The following RRAS variants were observed in gnomAD, a reference collection of about 807,000 sequenced individuals.
RRAS encodes the protein ras-related protein R-Ras.
In RRAS, 18 loss-of-function variants were observed where a neutral mutation model predicts 23.3. The ratio of observed to expected loss-of-function variants is 0.77; its 90% CI spans 0.53 to 1.15. The LOEUF is 1.15. Ranked by LOEUF, RRAS falls within the 50% of genes most tolerant of loss-of-function variation. RRAS has a pLI of 0.00. For missense variants in RRAS, 291 were observed against 317.1 expected, an observed-to-expected ratio of 0.92 and a Z score of 0.62; for synonymous variants, 133 against 138.3, an observed-to-expected ratio of 0.96 and a Z score of 0.27.
In RRAS at chr19:49,639,985, G is replaced by A; in HGVS notation, c.114C>T (p.Gly38=). The change falls in exon 1 of 6, where the codon GGC becomes GGT. Residue 38 remains glycine (G), a synonymous_variant. Coordinates refer to ENST00000246792, the MANE Select transcript of RRAS (RefSeq NM_006270.5). The part of the protein sequence containing the change: ...ETHKLVVVGG[G]GVGKSALTIQ... Reference sequence around the variant, plus strand: ...TGGTCAGCGCGCTCTTGCCCACGCCGCCGCCGCCCACGACCACCAGCTTGT... The same window carrying A: ...TGGTCAGCGCGCTCTTGCCCACGCCACCGCCGCCCACGACCACCAGCTTGT... The A allele has an allele frequency of 6.3e-7, 1 of 1,587,926 alleles. No homozygotes were observed.
At position 49,636,627 on chromosome 19, in the gene RRAS, G is replaced by C; in HGVS notation, c.445C>G (p.Gln149Glu). Residue 149 changes from glutamine to glutamate, a missense_variant, in exon 4 of 6, where the codon CAG becomes GAG. Coordinates refer to ENST00000246792, the MANE Select transcript of RRAS (RefSeq NM_006270.5). This position sits in a 1 kb window ranked among gnomAD's most constrained non-coding sequence, Gnocchi z 4.5. ...LVGNKADLESQRQVPRSEASA... is the reference protein window; with the variant it reads ...LVGNKADLESERQVPRSEASA... ...AGAGGGGTGTCCCGAACCTGGCGCT[G>C]TGACTCCAGATCTGCCTTGTTCCCG... 1 of 1,613,458 alleles carries C rather than the reference G, an allele frequency of 6.2e-7. No homozygotes were observed. Among genetic ancestry groups the C allele is most frequent in the Non-Finnish European group, 8.5e-7 (1 of 1,179,408 alleles).
chr19:49,636,936 CAG>C lies in RRAS; in HGVS notation c.242-12_242-11del, dbSNP rs767471796. 2.9e-5 allele frequency: 46 copies of C among 1,612,842 alleles called. No individual in the cohort carries two copies. The highest frequency in any genetic ancestry group is 3.6e-5 in the Non-Finnish European group (43 of 1,179,666). Reference sequence around the variant, plus strand: ...CCCGCGGTGTCCAGGACTGCAGAGACAGGGAGAGGGGCCATCGTGGGGACCAG... The same window carrying C: ...CCCGCGGTGTCCAGGACTGCAGAGACGGAGAGGGGCCATCGTGGGGACCAG... On this transcript the variant is annotated splice_polypyrimidine_tract_variant and intron_variant, in intron 2 of 5. Transcript: ENST00000246792. The surrounding 1 kb of genome is among the most constrained non-coding windows in gnomAD (Gnocchi z 4.5).
chr19:49,635,981 C>T, intron 4 of RRAS, 129 bp from the exon 5 acceptor site: 1 of 529,394 alleles, frequency 1.9e-6, no homozygotes, highest in Non-Finnish European at 3.4e-6. Context: ...AGGAAGAGCT[C>T]CTGAGAGATT....
Position 49,640,100 on chromosome 19 carries a change from T to C in RRAS, c.-2A>G. The C allele has an allele frequency of 7.2e-7, 1 of 1,384,380 alleles. No individual in the cohort carries two copies. The allele number at this position is 1,384,380 out of a possible 1,614,324, so 85.8% of individuals were successfully genotyped here. On this transcript the variant is annotated 5_prime_UTR_variant, in exon 1 of 6. Transcript: ENST00000246792. Reference sequence around the variant, plus strand: ...CCCGGACGCCGCCCCGCTGCTCATGTCGCCACCGCTGCTGCTGCCTTCGCT... The same window carrying C: ...CCCGGACGCCGCCCCGCTGCTCATGCCGCCACCGCTGCTGCTGCCTTCGCT...
chr19:49,639,392 T>C (rs2081011546), intron 1 of RRAS, among the ~76,000 whole-genome samples: 1 of 142,496 alleles, frequency 7.0e-6, no homozygotes, highest in African/African-American at 2.7e-5. Flanking sequence ...ACCACTGCAC[T>C]CCACCGCACT....
At chr19:49,639,077 C>T (rs932021343) in intron 1 of RRAS, among the ~76,000 whole-genome samples, 1 of 151,918 alleles carries the variant, frequency 6.6e-6, no homozygotes, top group Non-Finnish European at 1.5e-5. Flanking sequence ...AGAAGAGTCT[C>T]AGGGCCAGGG....
At chr19:49,638,361 G>T (rs924996985) in intron 1 of RRAS, among the ~76,000 whole-genome samples, 13 of 152,214 alleles carry the variant, frequency 8.5e-5, no homozygotes, top group Non-Finnish European at 1.5e-4. Flanking sequence ...GTGGGGGTGA[G>T]GGGGGTGTCC....
At position 49,636,604 on chromosome 19, in the gene RRAS, A is replaced by AG; in HGVS notation, c.453+14dup. The AG allele has an allele frequency of 6.3e-7, 1 of 1,590,942 alleles. No homozygotes were observed. Among genetic ancestry groups the AG allele is most frequent in the Middle Eastern group, 1.7e-4 (1 of 6,024 alleles). On this transcript the variant is annotated intron_variant, in intron 4 of 5. Coordinates refer to ENST00000246792, the MANE Select transcript of RRAS (RefSeq NM_006270.5). This position sits in a 1 kb window ranked among gnomAD's most constrained non-coding sequence, Gnocchi z 4.5. The stretch of plus-strand genomic sequence containing the variant: ...AGACTGAGATGGGGTCCCCAGAAAG[A>AG]GGGGTGTCCCGAACCTGGCGCTGTG...
chr19:49,636,872 C>T lies in RRAS; in HGVS notation c.296G>A (p.Arg99His), dbSNP rs1287689249. 8.1e-6 allele frequency: 13 copies of T among 1,613,386 alleles called. No homozygotes were observed. Among genetic ancestry groups the T allele is most frequent in the Middle Eastern group, 1.6e-4 (1 of 6,084 alleles). Reference protein sequence around the residue: ...EFGAMREQYMRAGHGFLLVFA... With the variant: ...EFGAMREQYMHAGHGFLLVFA... The stretch of plus-strand genomic sequence containing the variant: ...CACCAGCAGGAAGCCGTGGCCAGCA[C>T]GCATGTACTGCTCTCTCATGGCCCC... The change falls in exon 3 of 6, where the codon CGT becomes CAT. Residue 99 changes from arginine to histidine, a missense_variant. Arg to His is a conservative substitution (Grantham distance 29). Transcript: ENST00000246792. The surrounding 1 kb of genome is among the most constrained non-coding windows in gnomAD (Gnocchi z 4.5).
Sources: allele counts gnomAD v4.1 joint callset (sites outside exome capture counted in the v4.1 genomes callset), GRCh38; gene constraint gnomAD v4.1.1; non-coding constraint Gnocchi (gnomAD v3.1); transcripts MANE v1.5; gene names NCBI Gene and HGNC (gene_info 2026-07-23, HGNC 2026-07-21).